The following HRH2 variants were observed in gnomAD, a reference collection of about 807,000 sequenced individuals.
HRH2 encodes the protein histamine receptor H2.
Under a neutral mutation model 20.1 loss-of-function variants are expected in HRH2, and 4 were observed. The ratio of observed to expected loss-of-function variants is 0.20; its 90% confidence interval spans 0.10 to 0.45. HRH2 has a LOEUF of 0.45. Among genes scored for constraint, HRH2 ranks in the 20% least tolerant of loss-of-function variants. HRH2 has a pLI of 0.99. For synonymous variants in HRH2, 197 were observed against 200.7 expected (o/e 0.98, Z 0.16); for missense variants, 250 against 461.6 (o/e 0.54, Z 4.20).
At chr5:175,696,541 T>C (rs1374257963) in intron 2 of HRH2, among the ~76,000 whole-genome samples, 1 of 152,186 alleles carries the variant, frequency 6.6e-6, no homozygotes, top group Non-Finnish European at 1.5e-5. Context: ...ATATCGATCA[T>C]GTGGAGGTTG....
chr5:175,684,356 G>T (rs905378264), intron 2 of HRH2, 47 bp downstream of exon 2: 2 of 1,580,746 alleles, frequency 1.3e-6, no homozygotes, highest in African/African-American at 1.4e-5. Flanking sequence ...AATGGGAGGG[G>T]ATGCTACTGA....
rs552899754 is a variant in HRH2 at position 175,698,637 on chromosome 5, G to A, written c.1077-9142G>A. ...AGTCAAAGCCAACCCCCTCCGTCTCGCAGCCTCCCGGTCAGGTCCGAGGCT... is the reference window on the plus strand; with the variant it reads ...AGTCAAAGCCAACCCCCTCCGTCTCACAGCCTCCCGGTCAGGTCCGAGGCT... On this transcript the variant is annotated intron_variant, in intron 2 of 2. Transcript: ENST00000636584. Among the ~76,000 whole-genome samples the A allele has an allele frequency of 2.6e-5, 4 of 152,226 alleles. No individual in the cohort carries two copies. The East Asian group carries it at 5.8e-4, about 22-fold the overall frequency.
At chr5:175,684,585 C>T (rs1055794007) in intron 2 of HRH2, among the ~76,000 whole-genome samples, 14 of 152,242 alleles carry the variant, frequency 9.2e-5, no homozygotes, top group Admixed American at 1.3e-4. Flanking sequence ...TCGGAACTCG[C>T]AAGCCCTTTT....
intron 2 of HRH2, 154 bp downstream of exon 2, chr5:175,684,463 C>A: frequency 9.5e-7 from 1 of 1,047,846 alleles, no homozygotes; most frequent in Non-Finnish European, 1.4e-6. Context: ...CTTAATCCTC[C>A]CAACGGCCCC....
Position 175,683,641 on chromosome 5 carries a change from C to T in HRH2, c.408C>T (p.Ala136=). The change falls in exon 2 of 3, where the codon GCC becomes GCT. Residue 136 remains alanine, a synonymous_variant. Coordinates refer to ENST00000636584, the MANE Select transcript of HRH2 (RefSeq NM_001367711.1). ...TGCTGGTCACCCCAGTTCGGGTCGC[C>T]ATCTCTCTGGTCTTAATTTGGGTCA... ...YPVLVTPVRV[A]ISLVLIWVIS... 6.2e-7 allele frequency: 1 copy of T among 1,614,154 alleles called. No homozygotes were observed. Among genetic ancestry groups the T allele is most frequent in the East Asian group, 2.2e-5 (1 of 44,880 alleles).
At chr5:175,705,639 C>A (rs561310700) in intron 2 of HRH2, among the ~76,000 whole-genome samples, 2 of 151,968 alleles carry the variant, frequency 1.3e-5, no homozygotes, top group South Asian at 4.2e-4. Context: ...GACTACCTAC[C>A]CCTACAGGTA....
chr5:175,681,420 G>A lies in HRH2; in HGVS notation c.-525-1289G>A, dbSNP rs1049697381. On this transcript the variant is annotated intron_variant, in intron 1 of 2. Coordinates refer to ENST00000636584, the MANE Select transcript of HRH2 (RefSeq NM_001367711.1). The surrounding 1 kb of genome is among the most constrained non-coding windows in gnomAD (Gnocchi z 4.3). ...TGGAGATTAGCTTGCTTCTGAGAGG[G>A]GGTTCCGCCATCAACTCGATTTCTG... 6.6e-6 allele frequency among the ~76,000 whole-genome samples: 1 copy of A among 152,164 alleles called. No homozygotes were observed. The highest frequency in any genetic ancestry group is 2.4e-5 in the African/African-American group (1 of 41,446).
At chr5:175,658,380 C>T (rs1023306254) in intron 1 of HRH2, among the ~76,000 whole-genome samples, 16 of 152,300 alleles carry the variant, frequency 1.1e-4, no homozygotes, top group African/African-American at 2.6e-4. Flanking sequence ...GTTTCCTTGT[C>T]TGTGACCGCG....
chr5:175,672,415 C>T (rs1234906360), intron 1 of HRH2, among the ~76,000 whole-genome samples: 1 of 152,346 alleles, frequency 6.6e-6, no homozygotes, highest in South Asian at 2.1e-4. Flanking sequence ...CGCCAGCCCA[C>T]TGCGGATGGA....
intron 1 of HRH2, among the ~76,000 whole-genome samples, chr5:175,680,452 G>T (rs544870192): frequency 6.6e-6 from 1 of 152,356 alleles, no homozygotes; most frequent in African/African-American, 2.4e-5. Flanking sequence ...GCTCAGGTGT[G>T]TGGTGGCTCT....
intron 1 of HRH2, among the ~76,000 whole-genome samples, chr5:175,680,240 G>A (rs1006773263): frequency 6.6e-6 from 1 of 152,222 alleles, no homozygotes; most frequent in Non-Finnish European, 1.5e-5. Flanking sequence ...CCGAAAGAAT[G>A]GCTTCGATCT....
intron 1 of HRH2, among the ~76,000 whole-genome samples, chr5:175,663,290 G>T (rs1305476446): frequency 6.6e-6 from 1 of 152,206 alleles, no homozygotes; most frequent in Non-Finnish European, 1.5e-5. Flanking sequence ...ATTCCCACCA[G>T]CAGTGCACGG....
Position 175,682,797 on chromosome 5 carries a change from A to G in HRH2, c.-437A>G, listed in dbSNP as rs1756030763. On this transcript the variant is annotated 5_prime_UTR_variant, in exon 2 of 3. Coordinates refer to ENST00000636584, the MANE Select transcript of HRH2 (RefSeq NM_001367711.1). ...GAGCAGGCACCAGCTATGGAGAGGG[A>G]TACAGCTGCGTCTCCACATGACCCA... 5.7e-6 allele frequency: 1 copy of G among 174,626 alleles called. No homozygotes were observed. The highest frequency in any genetic ancestry group is 2.4e-5 in the African/African-American group (1 of 41,758). 10.8% of individuals were successfully genotyped at this position (174,626 alleles called of 1,614,324 possible).
In HRH2 at chr5:175,681,183, T is replaced by G. The variant is rs1334081374; in HGVS notation, c.-525-1526T>G. On this transcript the variant is annotated intron_variant, in intron 1 of 2. Transcript: ENST00000636584. This position sits in a 1 kb window ranked among gnomAD's most constrained non-coding sequence, Gnocchi z 4.3. Reference sequence around the variant, plus strand: ...AGTGTGGCGGTGAGACCCATGCTGTTTGGGCTATTTATGTAATGAAAAGCT... The same window carrying G: ...AGTGTGGCGGTGAGACCCATGCTGTGTGGGCTATTTATGTAATGAAAAGCT... Among the ~76,000 whole-genome samples, 4 of 152,180 alleles carry G rather than the reference T, an allele frequency of 2.6e-5. No homozygotes were observed. Among genetic ancestry groups the G allele is most frequent in the Admixed American group, 2.6e-4 (4 of 15,280 alleles).
In HRH2 at chr5:175,677,137, G is replaced by A. The variant is rs1037753531; in HGVS notation, c.-525-5572G>A. On this transcript the variant is annotated intron_variant, in intron 1 of 2. Coordinates refer to ENST00000636584, the MANE Select transcript of HRH2 (RefSeq NM_001367711.1). The surrounding 1 kb of genome is among the most constrained non-coding windows in gnomAD (Gnocchi z 4.2). The stretch of plus-strand genomic sequence containing the variant: ...GGCCTCCCGAGTAGCCTGCCCTACA[G>A]GCGTGCACAACTATGCCCAGCTAAT... Among the ~76,000 whole-genome samples, 1 of 152,118 alleles carries A rather than the reference G, an allele frequency of 6.6e-6. No homozygotes were observed. Among genetic ancestry groups the A allele is most frequent in the Admixed American group, 6.5e-5 (1 of 15,282 alleles).
chr5:175,700,945 G>C (rs1419627492), intron 2 of HRH2, among the ~76,000 whole-genome samples: 1 of 152,102 alleles, frequency 6.6e-6, no homozygotes, highest in African/African-American at 2.4e-5. Context: ...AGAAAATACA[G>C]GAATTTAAAG....
At chr5:175,673,097 T>G (rs141642527) in intron 1 of HRH2, among the ~76,000 whole-genome samples, 1 of 151,854 alleles carries the variant, frequency 6.6e-6, no homozygotes, top group Non-Finnish European at 1.5e-5. Flanking sequence ...ACTGGTGAGG[T>G]AGAAGCAGGC....
At chr5:175,668,595 C>T (rs893575329) in intron 1 of HRH2, among the ~76,000 whole-genome samples, 5 of 152,276 alleles carry the variant, frequency 3.3e-5, no homozygotes, top group African/African-American at 1.2e-4. Context: ...TGAACTAGAA[C>T]TCACTGCAGC....
chr5:175,683,607 G>T lies in HRH2; in HGVS notation c.374G>T (p.Arg125Leu), dbSNP rs749818733. Residue 125 changes from arginine (R) to leucine (L), a missense_variant, in exon 2 of 3, where the codon CGG becomes CTG. This residue lies in a region of HRH2 where 86 missense variants were observed against 176.4 expected (regional missense o/e 0.49). Transcript: ENST00000636584. ...DRYCAVMDPL[R>L]YPVLVTPVRV... Reference sequence around the variant, plus strand: ...TACTGCGCTGTCATGGACCCACTGCGGTACCCTGTGCTGGTCACCCCAGTT... The same window carrying T: ...TACTGCGCTGTCATGGACCCACTGCTGTACCCTGTGCTGGTCACCCCAGTT... 6.2e-7 allele frequency: 1 copy of T among 1,613,978 alleles called. No individual in the cohort carries two copies. The highest frequency in any genetic ancestry group is 1.3e-5 in the African/African-American group (1 of 74,876).
Sources: gnomAD v4.1 joint callset for allele counts (sites outside exome capture counted in the v4.1 genomes callset) on GRCh38, gnomAD v4.1.1 for gene constraint, gnomAD v4.1.1 regional missense constraint, Gnocchi (gnomAD v3.1) non-coding constraint, MANE v1.5 for transcripts, NCBI Gene and HGNC (gene_info 2026-07-23, HGNC 2026-07-21) for gene names.